The following THSD7B variants were observed in gnomAD, a reference collection of about 807,000 sequenced individuals.
THSD7B encodes the protein thrombospondin type-1 domain-containing protein 7B.
In THSD7B, 138 loss-of-function variants were observed where a neutral mutation model predicts 213.6. The ratio of observed to expected loss-of-function variants is 0.65; its 90% CI spans 0.56 to 0.74. THSD7B has a LOEUF of 0.74. THSD7B is among the 30% of genes least tolerant of loss of function. The pLI, the probability that THSD7B is intolerant of heterozygous loss-of-function variation, is 0.00. For synonymous variants in THSD7B, 742 were observed against 687.0 expected, an observed-to-expected ratio of 1.08 and a Z score of -1.25; for missense variants, 1,931 against 1,991.5, an observed-to-expected ratio of 0.97 and a Z score of 0.58.
At chr2:137,168,271 T>C (rs1413299204) in intron 6 of THSD7B, among the ~76,000 whole-genome samples, 1 of 152,160 alleles carries the variant, frequency 6.6e-6, no homozygotes, top group African/African-American at 2.4e-5. Context: ...ATTTATGGAA[T>C]AATATCATCT....
At chr2:136,986,965 G>A (rs982862783) in intron 2 of THSD7B, among the ~76,000 whole-genome samples, 9 of 152,348 alleles carry the variant, frequency 5.9e-5, no homozygotes, top group East Asian at 1.9e-4. Flanking sequence ...GTCCAGAGAC[G>A]TTAGTGACAG....
intron 15 of THSD7B, among the ~76,000 whole-genome samples, chr2:137,528,716 A>G (rs1680325241): frequency 6.6e-6 from 1 of 152,074 alleles, no homozygotes; most frequent in African/African-American, 2.4e-5. Context: ...TCACAGTTTC[A>G]TCTGAGGACA....
intron 1 of THSD7B, among the ~76,000 whole-genome samples, chr2:136,824,445 A>C (rs1414673842): frequency 2.6e-5 from 4 of 152,142 alleles, no homozygotes; most frequent in Admixed American, 2.6e-4. Flanking sequence ...TTTTGGATGC[A>C]TCTAATATAT....
intron 1 of THSD7B, among the ~76,000 whole-genome samples, chr2:136,784,989 T>C (rs1300348223): frequency 2.0e-5 from 3 of 152,192 alleles, no homozygotes; most frequent in African/African-American, 7.2e-5. Context: ...AACTTCATTA[T>C]GTCTCTCTCT....
rs562490656 is a variant in THSD7B at position 137,491,600 on chromosome 2, G to A, written c.3138+40577G>A. Among the ~76,000 whole-genome samples, 33 of 152,274 alleles carry A rather than the reference G, an allele frequency of 2.2e-4. No homozygotes were observed. The South Asian group carries it at 2.9e-3, about 13-fold the overall frequency. ...TCATGTGGAGAGAGGTTTAGATTGGGGTTGGCCCAAAGGCTGAGCTGTTGA... is the reference window on the plus strand; with the variant it reads ...TCATGTGGAGAGAGGTTTAGATTGGAGTTGGCCCAAAGGCTGAGCTGTTGA... On this transcript the variant is annotated intron_variant, in intron 15 of 27. Transcript: ENST00000409968.
chr2:136,776,070 A>G (rs1299926537), intron 1 of THSD7B, among the ~76,000 whole-genome samples: 14 of 152,160 alleles, frequency 9.2e-5, no homozygotes, highest in Non-Finnish European at 2.1e-4. Context: ...AGAACTGGCC[A>G]TGCTCTTAAG....
intron 2 of THSD7B, among the ~76,000 whole-genome samples, chr2:137,032,504 C>T (rs561072519): frequency 2.0e-5 from 3 of 152,284 alleles, no homozygotes; most frequent in African/African-American, 7.2e-5. Flanking sequence ...AGATGTTCAC[C>T]AACAAAACGG....
At chr2:137,326,466 A>C (rs188898935) in intron 12 of THSD7B, among the ~76,000 whole-genome samples, 15 of 152,246 alleles carry the variant, frequency 9.9e-5, no homozygotes, top group Non-Finnish European at 2.1e-4. Flanking sequence ...AACTTGACCT[A>C]AAAACAACTA....
chr2:137,247,718 T>C (rs999626267), intron 10 of THSD7B, among the ~76,000 whole-genome samples: 5 of 152,128 alleles, frequency 3.3e-5, no homozygotes, highest in Non-Finnish European at 5.9e-5. Context: ...GTGGAATTCA[T>C]TTCCTCCTGT....
At chr2:137,144,258 A>G (rs919713108) in intron 5 of THSD7B, among the ~76,000 whole-genome samples, 1 of 152,102 alleles carries the variant, frequency 6.6e-6, no homozygotes, top group Non-Finnish European at 1.5e-5. Context: ...GTACAACCCT[A>G]TTAAGACCCA....
intron 27 of THSD7B, among the ~76,000 whole-genome samples, chr2:137,673,738 G>A (rs1683632181): frequency 6.6e-6 from 1 of 152,122 alleles, no homozygotes; most frequent in African/African-American, 2.4e-5. Context: ...GCCTTGCTAA[G>A]CTGCTATTCG....
chr2:137,372,459 G>C (rs1467714189), intron 12 of THSD7B, among the ~76,000 whole-genome samples: 1 of 148,264 alleles, frequency 6.7e-6, no homozygotes, highest in East Asian at 2.0e-4. Flanking sequence ...TTACAACTTG[G>C]TTTTATACAT....
chr2:136,917,981 T>C (rs557723974), intron 2 of THSD7B, among the ~76,000 whole-genome samples: 57 of 152,306 alleles, frequency 3.7e-4, no homozygotes, highest in Non-Finnish European at 7.8e-4. Context: ...CTAGTTGTAA[T>C]CTGAGGAAAA....
At chr2:136,800,638 A>G (rs532308009) in intron 1 of THSD7B, among the ~76,000 whole-genome samples, 1 of 152,164 alleles carries the variant, frequency 6.6e-6, no homozygotes, top group African/African-American at 2.4e-5. Context: ...TAGAAATAAA[A>G]TGTTTGCAAG....
At chr2:137,480,393 C>A (rs542360585) in intron 15 of THSD7B, among the ~76,000 whole-genome samples, 4 of 152,058 alleles carry the variant, frequency 2.6e-5, no homozygotes, top group African/African-American at 4.8e-5. Context: ...CATTTGTGGT[C>A]GAGTTATAAA....
At chr2:137,141,686 T>C (rs1286905877) in intron 5 of THSD7B, among the ~76,000 whole-genome samples, 1 of 17,004 alleles carries the variant, frequency 5.9e-5, no homozygotes, top group South Asian at 9.7e-4. Context: ...TGTATGTGCG[T>C]GTGTGTGTGT....
At chr2:137,098,920 A>G (rs973706587) in intron 4 of THSD7B, among the ~76,000 whole-genome samples, 3 of 152,210 alleles carry the variant, frequency 2.0e-5, no homozygotes, top group African/African-American at 7.2e-5. Context: ...GAGACAGTTT[A>G]TGTTATGCTA....
At chr2:137,214,774 T>TA (rs1271178677) in intron 7 of THSD7B, among the ~76,000 whole-genome samples, 1 of 152,186 alleles carries the variant, frequency 6.6e-6, no homozygotes, top group Admixed American at 6.5e-5. Context: ...ATCCTTTTTT[T>TA]ATGGCTGCAT....
At chr2:136,972,268 G>C (rs1478332418) in intron 2 of THSD7B, among the ~76,000 whole-genome samples, 4 of 152,122 alleles carry the variant, frequency 2.6e-5, no homozygotes, top group Non-Finnish European at 4.4e-5. Context: ...GAAGTTAGTA[G>C]ATAACTTCCT....
Sources: gnomAD v4.1 joint callset for allele counts (sites outside exome capture counted in the v4.1 genomes callset) on GRCh38, gnomAD v4.1.1 for gene constraint, MANE v1.5 for transcripts, NCBI Gene and HGNC (gene_info 2026-07-23, HGNC 2026-07-21) for gene names.